The following CDKN2B-AS1 variants were observed in gnomAD, a reference collection of about 807,000 sequenced individuals.
CDKN2B-AS1 encodes the protein CDKN2B and CDKN2A antisense cis and trans regulatory RNA 1.
chr9:22,075,702 G>A (rs1239133181), intron 4 of CDKN2B-AS1, among the ~76,000 whole-genome samples: 3 of 152,206 alleles, frequency 2.0e-5, no homozygotes, highest in Non-Finnish European at 4.4e-5. Context: ...GGAACAGGGT[G>A]ATGGTGCCTC....
In CDKN2B-AS1 at chr9:22,011,499, C is replaced by G. The variant is rs374248371; in HGVS notation, n.29+16338C>G. Reference sequence around the variant, plus strand: ...TCAGAGAATTTGAGTGACTTGTATACTAGCTAATCATTGTTGGAGGTGGGT... The same window carrying G: ...TCAGAGAATTTGAGTGACTTGTATAGTAGCTAATCATTGTTGGAGGTGGGT... On this transcript the variant is annotated intron_variant and non_coding_transcript_variant, in intron 1 of 4. Coordinates refer to ENST00000650946, the Ensembl canonical transcript of CDKN2B-AS1. 4.6e-5 allele frequency among the ~76,000 whole-genome samples: 7 copies of G among 152,276 alleles called. No individual in the cohort carries two copies. The East Asian group carries it at 1.4e-3, about 29-fold the overall frequency.
chr9:22,083,230 T>A (rs1375568565), intron 4 of CDKN2B-AS1, among the ~76,000 whole-genome samples: 1 of 152,190 alleles, frequency 6.6e-6, no homozygotes, highest in African/African-American at 2.4e-5. Context: ...GACCTGGTAA[T>A]TAGCAAAGCA....
chr9:22,056,978 C>A (rs1033580671), intron 4 of CDKN2B-AS1, among the ~76,000 whole-genome samples: 1 of 152,128 alleles, frequency 6.6e-6, no homozygotes, highest in East Asian at 1.9e-4. Context: ...GCTTAGTCCT[C>A]AAAACTAGGG....
chr9:22,115,356 C>A lies in CDKN2B-AS1; in HGVS notation n.439-11747C>A, dbSNP rs552424262. On this transcript the variant is annotated intron_variant and non_coding_transcript_variant, in intron 4 of 4. Transcript: ENST00000650946. The stretch of plus-strand genomic sequence containing the variant: ...CAGGGTACTAACACTTATGCCAGGA[C>A]GCATGCATAAACTAGGATGGTTCTG... Among the ~76,000 whole-genome samples the A allele has an allele frequency of 2.0e-5, 3 of 152,062 alleles. No individual in the cohort carries two copies. In the East Asian group the frequency reaches 5.8e-4, roughly 29 times the overall value.
In CDKN2B-AS1 at chr9:22,071,294, T is replaced by A. The variant is rs1824282174; in HGVS notation, n.438+14907T>A. On this transcript the variant is annotated intron_variant and non_coding_transcript_variant, in intron 4 of 4. Coordinates refer to ENST00000650946, the Ensembl canonical transcript of CDKN2B-AS1. ...GCTTAGAAATATCTAGCTTTTTTTT[T>A]TTTTTTTTTTTTTTTTTTTTTTAGA... Among the ~76,000 whole-genome samples, 11 of 22,582 alleles carry A rather than the reference T, an allele frequency of 4.9e-4. No individual in the cohort carries two copies. The Admixed American group carries it at 7.0e-3, about 14-fold the overall frequency. The allele number at this position is 22,582 out of a possible 152,430, so 14.8% of individuals were successfully genotyped here. A position where few individuals can be genotyped will look rare whatever the true frequency, so the allele number is the denominator to read the frequency against.
intron 4 of CDKN2B-AS1, among the ~76,000 whole-genome samples, chr9:22,092,801 G>A (rs920471670): frequency 6.6e-6 from 1 of 151,900 alleles, no homozygotes; most frequent in Non-Finnish European, 1.5e-5. Context: ...TTTTTTGGAG[G>A]GTTTTTTGTG....
intron 4 of CDKN2B-AS1, among the ~76,000 whole-genome samples, chr9:22,078,265 A>T (rs1563967285): frequency 1.2e-4 from 18 of 147,322 alleles, no homozygotes; most frequent in South Asian, 2.2e-4. Flanking sequence ...CTTGCTTTCA[A>T]TTTTTTTTTT....
At chr9:22,015,611 C>G (rs1821713259) in intron 1 of CDKN2B-AS1, among the ~76,000 whole-genome samples, 1 of 151,650 alleles carries the variant, frequency 6.6e-6, no homozygotes, top group Non-Finnish European at 1.5e-5. Flanking sequence ...ATTTATTCCC[C>G]CATTTATTTT....
intron 1 of CDKN2B-AS1, chr9:22,009,442 A>C: frequency 3.4e-6 from 1 of 293,082 alleles, no homozygotes; most frequent in Non-Finnish European, 6.5e-6. Flanking sequence ...GAGGGCGGGG[A>C]AGCCTGCCCA....
chr9:22,059,404 C>T (rs889587228), intron 4 of CDKN2B-AS1, among the ~76,000 whole-genome samples: 4 of 152,206 alleles, frequency 2.6e-5, no homozygotes, highest in Admixed American at 2.6e-4. Flanking sequence ...AACTTTGAAG[C>T]TCCAAAATGA....
chr9:22,083,468 T>G (rs72652407), intron 4 of CDKN2B-AS1, among the ~76,000 whole-genome samples: 2 of 152,164 alleles, frequency 1.3e-5, no homozygotes, highest in African/African-American at 2.4e-5. Flanking sequence ...ACTACAACAG[T>G]GGCTCCCAAA....
intron 1 of CDKN2B-AS1, among the ~76,000 whole-genome samples, chr9:22,011,140 GT>G (rs1821482514): frequency 6.6e-6 from 1 of 152,170 alleles, no homozygotes; most frequent in Admixed American, 6.5e-5. Context: ...TCAGGCCTGG[GT>G]GGTCCTAACC....
At chr9:22,126,877 G>C (rs941641576) in intron 4 of CDKN2B-AS1, among the ~76,000 whole-genome samples, 1 of 152,012 alleles carries the variant, frequency 6.6e-6, no homozygotes, top group African/African-American at 2.4e-5. Flanking sequence ...ATTCTAAGGA[G>C]TATCGAGAAC....
intron 4 of CDKN2B-AS1, among the ~76,000 whole-genome samples, chr9:22,067,304 A>G (rs1824086963): frequency 6.6e-6 from 1 of 152,196 alleles, no homozygotes; most frequent in South Asian, 2.1e-4. Flanking sequence ...AGAATGTTGT[A>G]TCTTTTATTC....
At chr9:22,053,224 A>C (rs1376523710) in intron 3 of CDKN2B-AS1, among the ~76,000 whole-genome samples, 8 of 152,210 alleles carry the variant, frequency 5.3e-5, no homozygotes. Context: ...ACCTGAACAG[A>C]ATGTATATTC....
chr9:22,089,438 A>C (rs963077333), intron 4 of CDKN2B-AS1, among the ~76,000 whole-genome samples: 3 of 151,986 alleles, frequency 2.0e-5, no homozygotes, highest in African/African-American at 4.8e-5. Context: ...AACTTACTAA[A>C]CTTTTTTTTT....
chr9:22,015,925 C>T (rs1821733905), intron 1 of CDKN2B-AS1, among the ~76,000 whole-genome samples: 1 of 152,130 alleles, frequency 6.6e-6, no homozygotes, highest in South Asian at 2.1e-4. Flanking sequence ...ATCCTTCGCC[C>T]ATTTTTTGAT....
chr9:22,114,533 C>G (rs1323117856), intron 4 of CDKN2B-AS1, among the ~76,000 whole-genome samples: 1 of 152,188 alleles, frequency 6.6e-6, no homozygotes, highest in African/African-American at 2.4e-5. Flanking sequence ...GAAGAAAAAC[C>G]TTAAGATTTC....
intron 1 of CDKN2B-AS1, among the ~76,000 whole-genome samples, chr9:22,024,091 G>A (rs1284859864): frequency 6.6e-6 from 1 of 152,144 alleles, no homozygotes; most frequent in African/African-American, 2.4e-5. Flanking sequence ...TTCAATCTTT[G>A]AGGTTGCTGA....
Sources: allele counts gnomAD v4.1 joint callset (sites outside exome capture counted in the v4.1 genomes callset), GRCh38; gene constraint gnomAD v4.1.1; transcripts MANE v1.5; gene names NCBI Gene and HGNC (gene_info 2026-07-23, HGNC 2026-07-21).